The following SEMA5A variants were observed in gnomAD, a reference collection of about 807,000 sequenced individuals.
The protein encoded by SEMA5A is semaphorin-5A.
A neutral mutation model predicts 135.5 loss-of-function variants in SEMA5A; 55 were observed. The observed-to-expected ratio is 0.41, with a 90% confidence interval of 0.33 to 0.51. SEMA5A has a LOEUF of 0.51. Among genes scored for constraint, SEMA5A ranks in the 20% least tolerant of loss-of-function variants. The probability of loss-of-function intolerance (pLI) is 0.37; values close to 1 mark genes in which losing one functional copy is unlikely to be tolerated. For missense variants in SEMA5A, 1,290 were observed against 1,419.9 expected (o/e 0.91, Z 1.47); for synonymous variants, 580 against 546.5 (o/e 1.06, Z -0.85).
intron 1 of SEMA5A, among the ~76,000 whole-genome samples, chr5:9,451,846 A>C (rs1758655970): frequency 6.6e-6 from 1 of 152,138 alleles, no homozygotes; most frequent in African/African-American, 2.4e-5. Context: ...ACGGCTGAGG[A>C]TGGCAGACAG....
chr5:9,428,668 G>A (rs909712222), intron 2 of SEMA5A, among the ~76,000 whole-genome samples: 3 of 152,166 alleles, frequency 2.0e-5, no homozygotes, highest in South Asian at 4.1e-4. Context: ...ATTTGAGAAA[G>A]CAGTAAAATG....
chr5:9,201,447 T>C (rs1745698475), intron 9 of SEMA5A, among the ~76,000 whole-genome samples: 1 of 152,228 alleles, frequency 6.6e-6, no homozygotes, highest in Admixed American at 6.5e-5. Context: ...ACAAAATGTG[T>C]GCTCAAGTAA....
At chr5:9,376,977 T>C (rs1755389342) in intron 3 of SEMA5A, among the ~76,000 whole-genome samples, 1 of 152,062 alleles carries the variant, frequency 6.6e-6, no homozygotes, top group Non-Finnish European at 1.5e-5. Context: ...TTACATAATG[T>C]TTACAGGAGG....
intron 2 of SEMA5A, among the ~76,000 whole-genome samples, chr5:9,409,556 G>A (rs1757026458): frequency 6.6e-6 from 1 of 152,140 alleles, no homozygotes; most frequent in South Asian, 2.1e-4. Flanking sequence ...CCACACCTGT[G>A]AGGGGACCTT....
intron 16 of SEMA5A, among the ~76,000 whole-genome samples, chr5:9,088,965 T>C (rs551764920): frequency 6.6e-6 from 1 of 152,244 alleles, no homozygotes; most frequent in South Asian, 2.1e-4. Flanking sequence ...CTCCATGCTT[T>C]TGCCAGAGCT....
intron 1 of SEMA5A, among the ~76,000 whole-genome samples, chr5:9,469,183 A>T (rs539820124): frequency 6.6e-6 from 1 of 152,096 alleles, no homozygotes; most frequent in East Asian, 1.9e-4. Context: ...TAATCTTTGT[A>T]TTTTTAGTAG....
At position 9,037,190 on chromosome 5, in the gene SEMA5A, T is replaced by C. The variant is rs1579278457; in HGVS notation, c.*5707A>G. The C allele has an allele frequency of 6.6e-6, 1 of 152,196 alleles. No homozygotes were observed. Among genetic ancestry groups the C allele is most frequent in the African/African-American group, 2.4e-5 (1 of 41,440 alleles). The allele number at this position is 152,196 out of a possible 1,614,324, so 9.4% of individuals were successfully genotyped here. ...TCTTTCCTCTTTCCAGATCTGAAAGTGCCCTTGACTAGTTCCTGCCATTGC... is the reference window on the plus strand; with the variant it reads ...TCTTTCCTCTTTCCAGATCTGAAAGCGCCCTTGACTAGTTCCTGCCATTGC... On this transcript the variant is annotated 3_prime_UTR_variant, in exon 23 of 23. Transcript: ENST00000382496.
intron 16 of SEMA5A, among the ~76,000 whole-genome samples, chr5:9,104,709 G>A (rs1739812211): frequency 6.6e-6 from 1 of 152,178 alleles, no homozygotes; most frequent in Admixed American, 6.5e-5. Flanking sequence ...CTCAGAGGCA[G>A]AGCCCCTCTG....
chr5:9,473,255 A>G (rs187869626), intron 1 of SEMA5A, among the ~76,000 whole-genome samples: 15 of 149,790 alleles, frequency 1.0e-4, no homozygotes, highest in Admixed American at 2.7e-4. Context: ...GAACTACCAA[A>G]TCACCTAGTC....
intron 13 of SEMA5A, among the ~76,000 whole-genome samples, chr5:9,126,350 G>A (rs1391717696): frequency 6.6e-6 from 1 of 152,130 alleles, no homozygotes; most frequent in Non-Finnish European, 1.5e-5. Flanking sequence ...TCACAAGACA[G>A]CAAGGGAAAG....
rs1736764640 is a variant in SEMA5A, at chr5:9,054,264, A to G, written c.2519-7T>C. On this transcript the variant is annotated splice_region_variant and splice_polypyrimidine_tract_variant and intron_variant, in intron 18 of 22. Coordinates refer to ENST00000382496, the MANE Select transcript of SEMA5A (RefSeq NM_003966.3). ...CAAGACCACACGCCATCCACTGTGAAGAAACACAATGTCACAGCTCTTCTA... is the reference window on the plus strand; with the variant it reads ...CAAGACCACACGCCATCCACTGTGAGGAAACACAATGTCACAGCTCTTCTA... 6.8e-6 allele frequency: 11 copies of G among 1,611,094 alleles called. No homozygotes were observed. Among genetic ancestry groups the G allele is most frequent in the Non-Finnish European group, 9.3e-6 (11 of 1,178,678 alleles).
At chr5:9,458,144 T>A (rs954752385) in intron 1 of SEMA5A, among the ~76,000 whole-genome samples, 2 of 151,858 alleles carry the variant, frequency 1.3e-5, no homozygotes, top group African/African-American at 2.4e-5. Flanking sequence ...CCTGACCTCG[T>A]GATCCGCCCG....
At chr5:9,197,600 G>T (rs1452761144) in intron 9 of SEMA5A, among the ~76,000 whole-genome samples, 1 of 152,150 alleles carries the variant, frequency 6.6e-6, no homozygotes, top group Non-Finnish European at 1.5e-5. Context: ...CTAGCTATCT[G>T]CTTCACCTTT....
At chr5:9,281,294 A>G (rs1171765181) in intron 5 of SEMA5A, among the ~76,000 whole-genome samples, 2 of 152,208 alleles carry the variant, frequency 1.3e-5, no homozygotes, top group Non-Finnish European at 2.9e-5. Context: ...AATTCAATCC[A>G]GCCAAGAACT....
At chr5:9,230,158 CTTTTTTTTTTTTTT>C (rs5865817) in intron 6 of SEMA5A, among the ~76,000 whole-genome samples, 4 of 98,286 alleles carry the variant, frequency 4.1e-5, no homozygotes, top group African/African-American at 7.7e-5. Flanking sequence ...CTATTTTTTT[CTTTTTTTTTTTTTT>C]TTTTTTTTGT....
At chr5:9,198,898 G>A (rs1018679616) in intron 9 of SEMA5A, among the ~76,000 whole-genome samples, 1 of 152,080 alleles carries the variant, frequency 6.6e-6, no homozygotes, top group Non-Finnish European at 1.5e-5. Context: ...GGGATATTAC[G>A]AATAATAACA....
chr5:9,334,255 A>G (rs969949066), intron 4 of SEMA5A, among the ~76,000 whole-genome samples: 1 of 152,192 alleles, frequency 6.6e-6, no homozygotes, highest in African/African-American at 2.4e-5. Context: ...CACAACTCAT[A>G]TTTTTAAACC....
At chr5:9,364,985 A>T (rs1469759368) in intron 3 of SEMA5A, among the ~76,000 whole-genome samples, 1 of 152,206 alleles carries the variant, frequency 6.6e-6, no homozygotes, top group Non-Finnish European at 1.5e-5. Flanking sequence ...TGTATTGAGT[A>T]CTCATTGTTC....
At chr5:9,446,766 T>A (rs921441477) in intron 1 of SEMA5A, among the ~76,000 whole-genome samples, 1 of 152,214 alleles carries the variant, frequency 6.6e-6, no homozygotes, top group Non-Finnish European at 1.5e-5. Context: ...AGATCTAAAT[T>A]TAAGATTTAA....
Sources: allele counts gnomAD v4.1 joint callset (sites outside exome capture counted in the v4.1 genomes callset), GRCh38; gene constraint gnomAD v4.1.1; transcripts MANE v1.5; gene names NCBI Gene and HGNC (gene_info 2026-07-23, HGNC 2026-07-21).